GRIN2A: variants seen among roughly 807,000 people sequenced by gnomAD.
GRIN2A encodes the protein glutamate receptor ionotropic, NMDA 2A.
GRIN2A carries 22 observed loss-of-function variants against 113.4 expected under a neutral mutation model. The observed-to-expected ratio is 0.19, with a 90% CI of 0.14 to 0.28. The LOEUF (loss-of-function observed/expected upper bound fraction) is 0.28. GRIN2A is among the 10% of genes least tolerant of loss of function. The probability of loss-of-function intolerance (pLI) is 1.00; values close to 1 mark genes in which losing one functional copy is unlikely to be tolerated. For synonymous variants in GRIN2A, 827 were observed against 738.4 expected, an observed-to-expected ratio of 1.12 and a Z score of -1.94; for missense variants, 1,502 against 1,887.0, an observed-to-expected ratio of 0.80 and a Z score of 3.78.
chr16:10,045,855 G>T (rs541994542), intron 2 of GRIN2A, among the ~76,000 whole-genome samples: 121 of 152,252 alleles, frequency 7.9e-4, no homozygotes, highest in Middle Eastern at 6.8e-3. Context: ...AATCTCTTTT[G>T]CCCTATGCCA....
chr16:9,968,283 T>C (rs1446083589), intron 2 of GRIN2A, among the ~76,000 whole-genome samples: 1 of 73,244 alleles, frequency 1.4e-5, no homozygotes, highest in Non-Finnish European at 3.2e-5. Context: ...TATGTATGTA[T>C]GTATGTATGT....
chr16:9,937,978 G>A lies in GRIN2A; in HGVS notation c.988C>T (p.Pro330Ser), dbSNP rs2044754364. 1.2e-6 allele frequency: 2 copies of A among 1,613,470 alleles called. No individual in the cohort carries two copies. Among genetic ancestry groups the A allele is most frequent in the African/African-American group, 1.3e-5 (1 of 74,922 alleles). Residue 330 changes from proline to serine, a missense_variant, in exon 3 of 13, where the codon CCG (proline) becomes TCG (serine). Coordinates refer to ENST00000330684, the MANE Select transcript of GRIN2A (RefSeq NM_001134407.3). ...TCTTACGGGTGCAAGGTGTGCATCG[G>A]GACCTCTGGCCTCTCCATCTGCCCG... ...CYGQMERPEV[P>S]MHTLHPFMVN... is the part of the protein sequence containing the mutation.
intron 2 of GRIN2A, among the ~76,000 whole-genome samples, chr16:10,102,908 C>G (rs2048427393): frequency 6.6e-6 from 1 of 152,190 alleles, no homozygotes; most frequent in African/African-American, 2.4e-5. Flanking sequence ...CACTCTTGCT[C>G]TGAGAGACGT....
At chr16:9,916,727 T>C (rs549813994) in intron 3 of GRIN2A, among the ~76,000 whole-genome samples, 7 of 152,302 alleles carry the variant, frequency 4.6e-5, no homozygotes, top group Non-Finnish European at 1.0e-4. Flanking sequence ...TTTCCACCAG[T>C]TCCTCCCCGC....
chr16:9,992,300 T>C (rs2046132276), intron 2 of GRIN2A, among the ~76,000 whole-genome samples: 1 of 152,136 alleles, frequency 6.6e-6, no homozygotes, highest in Non-Finnish European at 1.5e-5. Context: ...GGAAGCTGGA[T>C]GAGGTAAAGA....
chr16:9,921,200 T>C (rs375163530), intron 3 of GRIN2A, among the ~76,000 whole-genome samples: 2 of 152,238 alleles, frequency 1.3e-5, no homozygotes, highest in African/African-American at 2.4e-5. Context: ...ATAATTAGTA[T>C]TGATGACAAC....
intron 5 of GRIN2A, among the ~76,000 whole-genome samples, chr16:9,844,797 A>C (rs2042742988): frequency 1.3e-5 from 2 of 152,152 alleles, no homozygotes. Context: ...CTTAATTGAC[A>C]GCATGGCCAT....
At chr16:9,951,090 CCCATATATTCAGATA>C (rs1388187338) in intron 2 of GRIN2A, among the ~76,000 whole-genome samples, 2 of 152,140 alleles carry the variant, frequency 1.3e-5, no homozygotes, top group Admixed American at 1.3e-4. Flanking sequence ...TGGTCATTCT[CCCATATATTCAGATA>C]CCATCTGAAG....
chr16:9,865,907 G>A lies in GRIN2A; in HGVS notation c.1123-15946C>T, dbSNP rs546183146. 2.0e-5 allele frequency among the ~76,000 whole-genome samples: 3 copies of A among 152,326 alleles called. No individual in the cohort carries two copies. The South Asian group carries it at 6.2e-4, about 32-fold the overall frequency. On this transcript the variant is annotated intron_variant, in intron 4 of 12. Transcript: ENST00000330684. ...TTATAAAATTATATAAGATTTGAATGTGAGTGTCCCTAAATAAAGCTTGAT... is the reference window on the plus strand; with the variant it reads ...TTATAAAATTATATAAGATTTGAATATGAGTGTCCCTAAATAAAGCTTGAT...
At chr16:9,848,035 G>A (rs1470936730) in intron 5 of GRIN2A, among the ~76,000 whole-genome samples, 1 of 144,942 alleles carries the variant, frequency 6.9e-6, no homozygotes, top group Non-Finnish European at 1.5e-5. Context: ...ATATGAAAAT[G>A]TTTTATATAT....
intron 2 of GRIN2A, among the ~76,000 whole-genome samples, chr16:10,092,626 G>A (rs2048202197): frequency 6.6e-6 from 1 of 152,110 alleles, no homozygotes; most frequent in Admixed American, 6.5e-5. Context: ...CTAATTTAAT[G>A]CTCATAACAA....
In GRIN2A at chr16:9,762,979, G is replaced by A; in HGVS notation, c.*170C>T. 2 of 676,014 alleles carry A rather than the reference G, an allele frequency of 3.0e-6. No individual in the cohort carries two copies. The highest frequency in any genetic ancestry group is 1.9e-5 in the South Asian group (1 of 53,714). 41.9% of individuals were successfully genotyped at this position (676,014 alleles called of 1,614,324 possible). On this transcript the variant is annotated 3_prime_UTR_variant, in exon 13 of 13. Transcript: ENST00000330684. ...CACACCTCACAAGATTCCTTGAGTG[G>A]AAGATTATGGCATGAAGCCGTGTGC...
At chr16:9,908,755 C>T (rs367956265) in intron 3 of GRIN2A, among the ~76,000 whole-genome samples, 5 of 152,174 alleles carry the variant, frequency 3.3e-5, no homozygotes, top group Admixed American at 1.3e-4. Context: ...CACGTCAGTA[C>T]GATGAGAGCA....
At chr16:9,956,420 G>C (rs1211778914) in intron 2 of GRIN2A, among the ~76,000 whole-genome samples, 1 of 152,098 alleles carries the variant, frequency 6.6e-6, no homozygotes, top group Non-Finnish European at 1.5e-5. Context: ...GATCTTTAGA[G>C]CTTCAGTCTC....
chr16:9,825,345 C>A (rs2042366421), intron 9 of GRIN2A, among the ~76,000 whole-genome samples: 1 of 152,176 alleles, frequency 6.6e-6, no homozygotes. Context: ...CCTGTTGTTA[C>A]CCACGACATT....
chr16:9,971,992 A>G (rs528085911), intron 2 of GRIN2A, among the ~76,000 whole-genome samples: 1 of 143,384 alleles, frequency 7.0e-6, no homozygotes, highest in Admixed American at 7.0e-5. Context: ...GGAAGAGCCA[A>G]CCTCTTTCTG....
chr16:9,929,090 A>G (rs1216896107), intron 3 of GRIN2A, among the ~76,000 whole-genome samples: 1 of 152,204 alleles, frequency 6.6e-6, no homozygotes, highest in Non-Finnish European at 1.5e-5. Context: ...TTTCCCTTGG[A>G]GGATTATTTA....
intron 2 of GRIN2A, among the ~76,000 whole-genome samples, chr16:9,958,925 T>G (rs78061793): frequency 0.031 from 4,772 of 152,248 alleles, 101 homozygotes; most frequent in African/African-American, 0.049. Context: ...GATAAATGAA[T>G]TAATGAATAA....
At chr16:9,923,605 T>G (rs2044398210) in intron 3 of GRIN2A, among the ~76,000 whole-genome samples, 1 of 152,134 alleles carries the variant, frequency 6.6e-6, no homozygotes, top group African/African-American at 2.4e-5. Flanking sequence ...TTGTTTAGAG[T>G]TTATAGTATA....
Sources: gnomAD v4.1 joint callset for allele counts (sites outside exome capture counted in the v4.1 genomes callset) on GRCh38, gnomAD v4.1.1 for gene constraint, MANE v1.5 for transcripts, NCBI Gene and HGNC (gene_info 2026-07-23, HGNC 2026-07-21) for gene names.